The following SULT1C4 variants were observed in gnomAD, a reference collection of about 807,000 sequenced individuals.
SULT1C4 encodes sulfotransferase family 1C member 4.
In SULT1C4, 32 loss-of-function variants were observed where a neutral mutation model predicts 34.8. The observed-to-expected ratio is 0.92, with a 90% CI of 0.69 to 1.23. The LOEUF (loss-of-function observed/expected upper bound fraction) is 1.23. Among genes scored for constraint, SULT1C4 ranks in the 50% most tolerant of loss-of-function variants. The pLI, the probability that SULT1C4 is intolerant of heterozygous loss-of-function variation, is 0.00. For synonymous variants in SULT1C4, 111 were observed against 120.5 expected, an observed-to-expected ratio of 0.92 and a Z score of 0.51; for missense variants, 375 against 365.9, an observed-to-expected ratio of 1.02 and a Z score of -0.20.
intron 5 of SULT1C4, among the ~76,000 whole-genome samples, 165 bp from the exon 6 acceptor site, chr2:108,386,027 A>G (rs899250998): frequency 7.9e-5 from 12 of 152,204 alleles, no homozygotes; most frequent in Non-Finnish European, 1.5e-5. Context: ...CTAAAAAAAG[A>G]ACAATATGGG....
At position 108,378,352 on chromosome 2, in the gene SULT1C4, C is replaced by G. The variant is rs1402467; in HGVS notation, c.15C>G (p.Asp5Glu). 0.28 allele frequency: 447,584 copies of G among 1,612,738 alleles called. 75,108 individuals carry two copies. The highest frequency in any genetic ancestry group is 0.78 in the African/African-American group (58,353 of 74,932). Residue 5 changes from aspartate (D) to glutamate (E), a missense_variant, in exon 1 of 7, where the codon GAC (aspartate) becomes GAG (glutamate). Physicochemically the swap from Asp to Glu is conservative, Grantham distance 45 (BLOSUM62 2). Coordinates refer to ENST00000272452, the MANE Select transcript of SULT1C4 (RefSeq NM_006588.4). MALH[D>E]MEDFTFDGTK... Reference sequence around the variant, plus strand: ...TTCTTACACTAATGGCCTTACACGACATGGAGGATTTTACATTTGATGGAA... The same window carrying G: ...TTCTTACACTAATGGCCTTACACGAGATGGAGGATTTTACATTTGATGGAA...
rs1678601656 is a variant in SULT1C4, at chr2:108,387,601, G to A, written c.*169G>A. ...ATTATTTTAAAAGGCTGGAGGCAAG[G>A]TGGTGACAGGCAGCAGGGTGGCGAC... On this transcript the variant is annotated 3_prime_UTR_variant, in exon 7 of 7. Transcript: ENST00000272452. 3 of 573,028 alleles carry A rather than the reference G, an allele frequency of 5.2e-6. No homozygotes were observed. In the Admixed American group the frequency reaches 1.0e-4, roughly 20 times the overall value. The allele number at this position is 573,028 out of a possible 1,614,324, so 35.5% of individuals were successfully genotyped here. A position where few individuals can be genotyped will look rare whatever the true frequency, so the allele number is the denominator to read the frequency against.
rs1287364327 is a variant in SULT1C4 at position 108,382,453 on chromosome 2, C to T, written c.364C>T (p.Pro122Ser). The T allele has an allele frequency of 1.9e-6, 3 of 1,613,930 alleles. No homozygotes were observed. The South Asian group carries it at 3.3e-5, about 18-fold the overall frequency. Residue 122 changes from proline to serine, a missense_variant, in exon 3 of 7, where the codon CCA becomes TCA. By Grantham distance (74) the Pro-to-Ser change is moderately conservative (BLOSUM62 -1). Transcript: ENST00000272452. ...AACACATCTTCCCTTTCACTTGCTGCCACCATCCTTGCTAGAGAAAAACTG... is the reference window on the plus strand; with the variant it reads ...AACACATCTTCCCTTTCACTTGCTGTCACCATCCTTGCTAGAGAAAAACTG... ...LKTHLPFHLL[P>S]PSLLEKNCKI...
rs886552782 is a variant in SULT1C4, at chr2:108,386,284, T to C, written c.708T>C (p.Phe236=). Residue 236 remains phenylalanine, a synonymous_variant, in exon 6 of 7, where the codon TTT becomes TTC. Coordinates refer to ENST00000272452, the MANE Select transcript of SULT1C4 (RefSeq NM_006588.4). Reference sequence around the variant, plus strand: ...ATAAAATTGTCCATTACACTTCGTTTGATGTCATGAAACAGAATCCAATGG... The same window carrying C: ...ATAAAATTGTCCATTACACTTCGTTCGATGTCATGAAACAGAATCCAATGG... The part of the protein sequence containing the change: ...VLDKIVHYTS[F]DVMKQNPMAN... 1.3e-6 allele frequency: 2 copies of C among 1,587,574 alleles called. No individual in the cohort carries two copies. Among genetic ancestry groups the C allele is most frequent in the African/African-American group, 1.3e-5 (1 of 74,422 alleles).
rs752596847 is a variant in SULT1C4, at chr2:108,382,433, A to T, written c.344A>T (p.His115Leu). 1 of 1,613,976 alleles carries T rather than the reference A, an allele frequency of 6.2e-7. No individual in the cohort carries two copies. The highest frequency in any genetic ancestry group is 8.5e-7 in the Non-Finnish European group (1 of 1,180,014). Residue 115 changes from histidine (H) to leucine (L), a missense_variant, in exon 3 of 7, where the codon CAT becomes CTT. Physicochemically the swap from His to Leu is moderately conservative, Grantham distance 99. Coordinates refer to ENST00000272452, the MANE Select transcript of SULT1C4 (RefSeq NM_006588.4). ...CCCTCACCACGGATCCTGAAAACAC[A>T]TCTTCCCTTTCACTTGCTGCCACCA... ...AMPSPRILKT[H>L]LPFHLLPPSL...
At chr2:108,380,570 T>C (rs1678359516) in intron 1 of SULT1C4, among the ~76,000 whole-genome samples, 1 of 152,178 alleles carries the variant, frequency 6.6e-6, no homozygotes, top group Non-Finnish European at 1.5e-5. Context: ...CCTCCTAACC[T>C]GGATTTTGCC....
Position 108,387,304 on chromosome 2 carries a change from C to T in SULT1C4, c.797-16C>T, listed in dbSNP as rs948170932. ...TCCAACAGCTACTGAACCTCTCCCACATAACTGTATTTCAGGGGCAGTGGG... is the reference window on the plus strand; with the variant it reads ...TCCAACAGCTACTGAACCTCTCCCATATAACTGTATTTCAGGGGCAGTGGG... On this transcript the variant is annotated splice_polypyrimidine_tract_variant and intron_variant, in intron 6 of 6. Coordinates refer to ENST00000272452, the MANE Select transcript of SULT1C4 (RefSeq NM_006588.4). The T allele has an allele frequency of 6.3e-7, 1 of 1,595,088 alleles. No homozygotes were observed. The highest frequency in any genetic ancestry group is 8.6e-7 in the Non-Finnish European group (1 of 1,165,382).
Position 108,383,118 on chromosome 2 carries a change from A to G in SULT1C4, c.419A>G (p.Lys140Arg). 6.2e-7 allele frequency: 1 copy of G among 1,604,078 alleles called. No homozygotes were observed. The highest frequency in any genetic ancestry group is 1.7e-5 in the Admixed American group (1 of 58,688). The change falls in exon 4 of 7, where the codon AAG becomes AGG. Residue 140 changes from lysine (K) to arginine (R), a missense_variant. Lys to Arg is a conservative substitution (Grantham distance 26, BLOSUM62 2). Coordinates refer to ENST00000272452, the MANE Select transcript of SULT1C4 (RefSeq NM_006588.4). ...ATAATCTATGTAGCAAGAAATCCCA[A>G]GGACAACATGGTGTCCTATTACCAT... ...CKIIYVARNP[K>R]DNMVSYYHFQ... is the part of the protein sequence containing the mutation.
At chr2:108,382,701 C>T in intron 3 of SULT1C4, 2 of 489,638 alleles carry the variant, frequency 4.1e-6, no homozygotes, top group Non-Finnish European at 7.2e-6. Flanking sequence ...GTCAGGGGTT[C>T]AAGACCAGCC....
Position 108,382,425 on chromosome 2 carries a change from G to A in SULT1C4, c.336G>A (p.Leu112=), listed in dbSNP as rs200696314. 8 of 1,614,066 alleles carry A rather than the reference G, an allele frequency of 5.0e-6. No individual in the cohort carries two copies. Among genetic ancestry groups the A allele is most frequent in the Non-Finnish European group, 5.1e-6 (6 of 1,179,996 alleles). Reference sequence around the variant, plus strand: ...ATGCAATGCCCTCACCACGGATCCTGAAAACACATCTTCCCTTTCACTTGC... The same window carrying A: ...ATGCAATGCCCTCACCACGGATCCTAAAAACACATCTTCCCTTTCACTTGC... ...QAHAMPSPRI[L]KTHLPFHLLP... The change falls in exon 3 of 7, where the codon CTG becomes CTA. Residue 112 remains leucine, a synonymous_variant. Transcript: ENST00000272452.
In SULT1C4 at chr2:108,387,264, G is replaced by T. The variant is rs1414824503; in HGVS notation, c.797-56G>T. ...TCATCATACAGAAACAGGAGAATAG[G>T]GAAGCACAGACTCTTCCAACAGCTA... On this transcript the variant is annotated intron_variant, in intron 6 of 6. Transcript: ENST00000272452. The T allele has an allele frequency of 4.5e-6, 6 of 1,319,650 alleles. No individual in the cohort carries two copies. The African/African-American group carries it at 7.3e-5, about 16-fold the overall frequency. 81.7% of individuals were successfully genotyped at this position (1,319,650 alleles called of 1,614,324 possible). A position where few individuals can be genotyped will look rare whatever the true frequency, so the allele number is the denominator to read the frequency against.
At chr2:108,381,383 T>A (rs1255369126) in intron 1 of SULT1C4, among the ~76,000 whole-genome samples, 1 of 152,184 alleles carries the variant, frequency 6.6e-6, no homozygotes, top group African/African-American at 2.4e-5. Context: ...ACACCTATAA[T>A]CCCAGCATTT....
chr2:108,378,173 C>G lies in SULT1C4; in HGVS notation c.-165C>G. The G allele has an allele frequency of 1.8e-6, 1 of 566,196 alleles. No individual in the cohort carries two copies. Among genetic ancestry groups the G allele is most frequent in the East Asian group, 3.0e-5 (1 of 33,694 alleles). The allele number at this position is 566,196 out of a possible 1,614,324, so 35.1% of individuals were successfully genotyped here. A position where few individuals can be genotyped will look rare whatever the true frequency, so the allele number is the denominator to read the frequency against. ...GTTCCCTGGAACCTGAGTCGGGAGG[C>G]CTGCAACTCACTTTCTCCCTGTTTG... On this transcript the variant is annotated 5_prime_UTR_variant, in exon 1 of 7. Transcript: ENST00000272452.
intron 5 of SULT1C4, 37 bp from the exon 6 acceptor site, chr2:108,386,155 T>C (rs1433573688): frequency 5.8e-6 from 8 of 1,385,442 alleles, no homozygotes; most frequent in African/African-American, 2.9e-5. Flanking sequence ...AAACTAATTC[T>C]ATTAAATCAT....
At chr2:108,385,951 A>T (rs1678556059) in intron 5 of SULT1C4, among the ~76,000 whole-genome samples, 1 of 152,198 alleles carries the variant, frequency 6.6e-6, no homozygotes, top group South Asian at 2.1e-4. Flanking sequence ...TGTCTGGTGA[A>T]TGTTTCACTA....
At chr2:108,384,891 T>C (rs1388456832) in intron 5 of SULT1C4, among the ~76,000 whole-genome samples, 2 of 152,184 alleles carry the variant, frequency 1.3e-5, no homozygotes, top group Non-Finnish European at 2.9e-5. Flanking sequence ...GAGCCTGCTG[T>C]AGGCCTGCTA....
rs11569696 is a variant in SULT1C4, at chr2:108,383,298, C to T, written c.520+79C>T. The T allele has an allele frequency of 9.5e-4, 1,513 of 1,588,088 alleles. 12 individuals carry two copies. The African/African-American group carries it at 0.018, about 19-fold the overall frequency. On this transcript the variant is annotated intron_variant, in intron 4 of 6. Coordinates refer to ENST00000272452, the MANE Select transcript of SULT1C4 (RefSeq NM_006588.4). The stretch of plus-strand genomic sequence containing the variant: ...AGAAGGAAAGAATCTTTTCTTTTGA[C>T]CAGCAGGGGCTCTGCCTTCTTTAAT...
intron 3 of SULT1C4, chr2:108,382,683 C>G: frequency 1.9e-6 from 1 of 532,384 alleles, no homozygotes. Flanking sequence ...ATGGGTGGAT[C>G]AGTTGAGGTC....
chr2:108,385,819 C>T (rs530317923), intron 5 of SULT1C4, among the ~76,000 whole-genome samples: 3 of 152,308 alleles, frequency 2.0e-5, no homozygotes, highest in African/African-American at 7.2e-5. Flanking sequence ...CAGGATGTAG[C>T]TTCCTCTGTG....
Sources: allele counts gnomAD v4.1 joint callset (sites outside exome capture counted in the v4.1 genomes callset), GRCh38; gene constraint gnomAD v4.1.1; transcripts MANE v1.5; gene names NCBI Gene and HGNC (gene_info 2026-07-23, HGNC 2026-07-21).